Variants in PSG4 observed in about 807,000 individuals in gnomAD.
PSG4 encodes the protein pregnancy specific beta-1-glycoprotein 4.
In PSG4, 61 loss-of-function variants were observed where a neutral mutation model predicts 44.3. That is an observed-to-expected ratio of 1.38 (90% CI 1.12 to 1.70). The LOEUF (loss-of-function observed/expected upper bound fraction) is 1.70. Ranked by LOEUF, PSG4 falls within the 40% of genes most tolerant of loss-of-function variation. PSG4 has a pLI of 0.00. For missense variants in PSG4, 677 were observed against 511.7 expected, an observed-to-expected ratio of 1.32 and a Z score of -3.12; for synonymous variants, 248 against 191.3, an observed-to-expected ratio of 1.30 and a Z score of -2.45.
chr19:43,204,699 CCA>C, intron 1 of PSG4: 2 of 190,472 alleles, frequency 1.1e-5, no homozygotes, highest in South Asian at 6.5e-5. Flanking sequence ...TGTCTTCCCC[CCA>C]CGATGACTGT....
intron 2 of PSG4, among the ~76,000 whole-genome samples, chr19:43,199,356 T>C (rs1483315377): frequency 6.9e-6 from 1 of 145,544 alleles, no homozygotes; most frequent in East Asian, 2.4e-4. Context: ...TTGTGCATTT[T>C]CAGTTATGCA....
intron 5 of PSG4, 173 bp downstream of exon 5, chr19:43,194,167 G>T (rs1353090186): frequency 1.3e-6 from 2 of 1,516,244 alleles, no homozygotes; most frequent in African/African-American, 2.8e-5. Flanking sequence ...CAGCCTGTTT[G>T]TTAAAGTTTT....
intron 2 of PSG4, among the ~76,000 whole-genome samples, chr19:43,200,585 T>TC (rs1967462180): frequency 7.0e-6 from 1 of 142,432 alleles, no homozygotes; most frequent in African/African-American, 2.7e-5. Flanking sequence ...CTAACAGCAT[T>TC]TTTTTTCTGA....
At chr19:43,200,650 A>G (rs1967466112) in intron 2 of PSG4, among the ~76,000 whole-genome samples, 1 of 144,698 alleles carries the variant, frequency 6.9e-6, no homozygotes, top group African/African-American at 2.7e-5. Flanking sequence ...ATCTCAGCTC[A>G]CTGCAAGCTC....
intron 1 of PSG4, among the ~76,000 whole-genome samples, chr19:43,205,177 G>C (rs1283364484): frequency 3.3e-5 from 4 of 121,100 alleles, no homozygotes; most frequent in Admixed American, 9.4e-5. Flanking sequence ...GTGCTATCTT[G>C]GCTAGCTGCA....
chr19:43,201,802 C>A (rs1967521752), intron 2 of PSG4, among the ~76,000 whole-genome samples: 1 of 135,990 alleles, frequency 7.4e-6, no homozygotes, highest in Non-Finnish European at 1.5e-5. Context: ...TGACTAGAAA[C>A]CAACATTTCA....
chr19:43,194,016 A>C (rs1255320078), intron 5 of PSG4: 2 of 978,930 alleles, frequency 2.0e-6, no homozygotes, highest in African/African-American at 1.7e-5. Context: ...AAAATTCCAT[A>C]AATCTAGAAA....
At chr19:43,201,909 G>T (rs28681583) in intron 2 of PSG4, among the ~76,000 whole-genome samples, 37,426 of 143,276 alleles carry the variant, frequency 0.26, 7,706 homozygotes, top group African/African-American at 0.29. Context: ...CTGTCCCATT[G>T]TCTTGTCCAC....
At chr19:43,198,552 G>A (rs561788495) in intron 2 of PSG4, 32 of 502,178 alleles carry the variant, frequency 6.4e-5, no homozygotes, top group African/African-American at 1.3e-4. Flanking sequence ...TCACAGACCC[G>A]ATGCCTCTCT....
At chr19:43,200,836 C>G (rs1967476760) in intron 2 of PSG4, among the ~76,000 whole-genome samples, 1 of 146,186 alleles carries the variant, frequency 6.8e-6, no homozygotes, top group Admixed American at 6.8e-5. Flanking sequence ...TCCCAAAGTC[C>G]TGGGATTATA....
At position 43,195,208 on chromosome 19, in the gene PSG4, T is replaced by C. The variant is rs554253102; in HGVS notation, c.775A>G (p.Thr259Ala). Reference protein sequence around the residue: ...LNPRENKDVLTFTCEPKSKNY... With the variant: ...LNPRENKDVLAFTCEPKSKNY... Reference sequence around the variant, plus strand: ...TTACTCTTAGGTTCACAGGTGAAGGTTAAGACATCCTTATTCTCTCTGGGG... The same window carrying C: ...TTACTCTTAGGTTCACAGGTGAAGGCTAAGACATCCTTATTCTCTCTGGGG... Residue 259 changes from threonine to alanine, a missense_variant, in exon 4 of 6, where the codon ACC becomes GCC. Coordinates refer to ENST00000405312, the MANE Select transcript of PSG4 (RefSeq NM_002780.5). 2.6e-5 allele frequency: 42 copies of C among 1,610,190 alleles called. No individual in the cohort carries two copies. The highest frequency in any genetic ancestry group is 4.0e-5 in the African/African-American group (3 of 74,464).
intron 5 of PSG4, chr19:43,194,113 A>T: frequency 7.5e-7 from 1 of 1,326,806 alleles, no homozygotes; most frequent in Non-Finnish European, 1.0e-6. Flanking sequence ...AATGAAATCA[A>T]TGTTTCTCCT....
Position 43,196,673 on chromosome 19 carries a change from G to A in PSG4, c.709+1324C>T, listed in dbSNP as rs895764480. 11 of 151,098 alleles carry A rather than the reference G, an allele frequency of 7.3e-5. No individual in the cohort carries two copies. In the East Asian group the frequency reaches 1.6e-3, roughly 21 times the overall value. The allele number at this position is 151,098 out of a possible 1,614,324, so 9.4% of individuals were successfully genotyped here. On this transcript the variant is annotated intron_variant, in intron 3 of 5. Coordinates refer to ENST00000405312, the MANE Select transcript of PSG4 (RefSeq NM_002780.5). ...TTTCTAGCTTGATGATTAGTTTTTG[G>A]TCAATTCCATACTGGCCATGCTGCA... is the stretch of plus-strand genomic sequence containing the variant.
Position 43,195,989 on chromosome 19 carries a change from A to G in PSG4, c.710-716T>C, listed in dbSNP as rs1355417755. On this transcript the variant is annotated intron_variant, in intron 3 of 5. Transcript: ENST00000405312. ...GCAAGAGCTGGTGGCTTTGGAGCAG[A>G]ACCATGTTCCCTGTCCTGGGTTCTT... Among the ~76,000 whole-genome samples the G allele has an allele frequency of 2.0e-5, 3 of 150,918 alleles. 1 individual carries two copies. The highest frequency in any genetic ancestry group is 4.4e-5 in the Non-Finnish European group (3 of 67,766).
At chr19:43,199,252 A>G (rs1967398435) in intron 2 of PSG4, among the ~76,000 whole-genome samples, 1 of 145,058 alleles carries the variant, frequency 6.9e-6, no homozygotes, top group African/African-American at 2.7e-5. Flanking sequence ...TGACTACTCT[A>G]TGTACCTCAT....
intron 5 of PSG4, chr19:43,194,037 T>C: frequency 9.3e-7 from 1 of 1,080,184 alleles, no homozygotes; most frequent in Non-Finnish European, 1.3e-6. Context: ...ACAAACCATT[T>C]AAAGAATCAG....
chr19:43,199,640 G>T lies in PSG4; in HGVS notation c.431-1365C>A, dbSNP rs576590407. Among the ~76,000 whole-genome samples the T allele has an allele frequency of 2.1e-4, 30 of 145,002 alleles. 5 individuals are homozygous for T. The highest frequency in any genetic ancestry group is 7.9e-4 in the African/African-American group (30 of 37,760). ...GATTGTGGATTTCTGGATTTGGGAT[G>T]CTCAATTTGTAATACTGTAATTTTC... is the stretch of plus-strand genomic sequence containing the variant. On this transcript the variant is annotated intron_variant, in intron 2 of 5. Transcript: ENST00000405312.
rs369597614 is a variant in PSG4, at chr19:43,204,151, G to C, written c.165C>G (p.Val55=). 2.5e-6 allele frequency: 4 copies of C among 1,587,272 alleles called. 1 individual carries two copies. The highest frequency in any genetic ancestry group is 3.4e-6 in the Non-Finnish European group (4 of 1,171,726). ...CAGCAAGATTCTGGGGCAAATTGTG[G>C]ACAAGTAGAAGAACATCCTTCCCCT... ...VSEGKDVLLL[V]HNLPQNLAGY... Residue 55 remains valine (V), a synonymous_variant, in exon 2 of 6, where the codon GTC becomes GTG. Transcript: ENST00000405312.
At chr19:43,193,681 C>A (rs910899178) in intron 5 of PSG4, 9 of 548,646 alleles carry the variant, frequency 1.6e-5, no homozygotes, top group Non-Finnish European at 2.9e-5. Flanking sequence ...TTTACAAAAC[C>A]CTTGAGAATA....
Sources: gnomAD v4.1 joint callset for allele counts (sites outside exome capture counted in the v4.1 genomes callset) on GRCh38, gnomAD v4.1.1 for gene constraint, MANE v1.5 for transcripts, NCBI Gene and HGNC (gene_info 2026-07-23, HGNC 2026-07-21) for gene names.